The following DCAF4 variants were observed in gnomAD, a reference collection of about 807,000 sequenced individuals.
The protein encoded by DCAF4 is DDB1 and CUL4 associated factor 4, also known as DDB1- and CUL4-associated factor 4.
Under a neutral mutation model 60.9 loss-of-function variants are expected in DCAF4, and 37 were observed. The ratio of observed to expected loss-of-function variants is 0.61; its 90% CI spans 0.47 to 0.80. The LOEUF (loss-of-function observed/expected upper bound fraction) is 0.80, where lower values mean the gene tolerates loss of function less well. Among genes scored for constraint, DCAF4 ranks in the 30% least tolerant of loss-of-function variants. DCAF4 has a pLI of 0.00. For missense variants in DCAF4, 577 were observed against 650.0 expected (o/e 0.89, Z 1.22); for synonymous variants, 243 against 254.8 (o/e 0.95, Z 0.44).
downstream of DCAF4, among the ~76,000 whole-genome samples, chr14:72,961,570 A>G (rs1892821794): frequency 6.6e-6 from 1 of 152,204 alleles, no homozygotes; most frequent in Non-Finnish European, 1.5e-5. Context: ...CCAAGCCCAG[A>G]ATTTCTGGCC....
chr14:72,948,892 C>G (rs993170591), intron 8 of DCAF4, among the ~76,000 whole-genome samples: 3 of 152,186 alleles, frequency 2.0e-5, no homozygotes, highest in African/African-American at 7.2e-5. Context: ...TAACCTGTGG[C>G]CTGTCAAAGG....
At chr14:72,940,024 C>G (rs1432592775) in intron 3 of DCAF4, 122 bp downstream of exon 3, 2 of 1,202,418 alleles carry the variant, frequency 1.7e-6, no homozygotes, top group African/African-American at 3.1e-5. Flanking sequence ...CTGGGTGCGT[C>G]AGGAATGGTG....
At chr14:72,957,611 A>C (rs767291849) in intron 13 of DCAF4, 5 of 152,224 alleles carry the variant, frequency 3.3e-5, no homozygotes, top group Non-Finnish European at 7.3e-5. Context: ...TTATCACAGA[A>C]GAGCTCTTGT....
intron 13 of DCAF4, 191 bp downstream of exon 13, chr14:72,956,691 A>C: frequency 3.7e-6 from 2 of 534,080 alleles, no homozygotes; most frequent in Non-Finnish European, 6.8e-6. Context: ...GTGTAAATAA[A>C]TGTCCACCAG....
intron 6 of DCAF4, among the ~76,000 whole-genome samples, chr14:72,945,507 GAAC>G (rs1890616758): frequency 1.3e-5 from 2 of 151,074 alleles, no homozygotes; most frequent in Non-Finnish European, 2.9e-5. Flanking sequence ...TATGTAATAG[GAAC>G]TAGCATTTTT....
chr14:72,929,648 C>T, intron 1 of DCAF4: 1 of 1,321,818 alleles, frequency 7.6e-7, no homozygotes, highest in Non-Finnish European at 1.1e-6. Context: ...TCATGGCAGC[C>T]AGTACCTTGC....
chr14:72,937,227 CAGAT>C (rs66539546), intron 1 of DCAF4, among the ~76,000 whole-genome samples: 143,778 of 151,742 alleles, frequency 0.95, 68,224 homozygotes, highest in East Asian at 1. Context: ...TATGGGGGAA[CAGAT>C]AGATGTCTGC....
intron 11 of DCAF4, 90 bp from the exon 12 acceptor site, chr14:72,955,433 G>T (rs1223859740): frequency 2.0e-6 from 3 of 1,473,494 alleles, no homozygotes; most frequent in Non-Finnish European, 2.8e-6. Flanking sequence ...CCCAGAGGCT[G>T]GAAGAGGGGT....
downstream of DCAF4, chr14:72,961,970 G>T: frequency 8.9e-7 from 1 of 1,129,098 alleles, no homozygotes; most frequent in Non-Finnish European, 1.1e-6. Flanking sequence ...TCTGTCTTTG[G>T]AGAGGTCACC....
At chr14:72,929,767 G>A in intron 1 of DCAF4, 2 of 1,050,352 alleles carry the variant, frequency 1.9e-6, no homozygotes, top group Non-Finnish European at 1.5e-6. Flanking sequence ...ATGGCGCGCA[G>A]CTCGTACGAA....
At position 72,953,722 on chromosome 14, in the gene DCAF4, AAAAAAAAAAAATAT is replaced by A. The variant is rs1485438977; in HGVS notation, c.809-440_809-427del. The stretch of plus-strand genomic sequence containing the variant: ...AAGACCCTGTCTTAAAAAAAAAAAA[AAAAAAAAAAAATAT>A]ATATATATATATATATATATATATA... On this transcript the variant is annotated intron_variant, in intron 9 of 13. Transcript: ENST00000358377. 1.6e-4 allele frequency among the ~76,000 whole-genome samples: 8 copies of A among 50,178 alleles called. 1 individual carries two copies. The highest frequency in any genetic ancestry group is 6.1e-4 in the African/African-American group (6 of 9,848). The allele number at this position is 50,178 out of a possible 152,430, so 32.9% of individuals were successfully genotyped here. A position where few individuals can be genotyped will look rare whatever the true frequency, so the allele number is the denominator to read the frequency against.
Position 72,937,410 on chromosome 14 carries a change from C to CTTTTTT in DCAF4, c.-8-546_-8-541dup, listed in dbSNP as rs11288108. On this transcript the variant is annotated intron_variant, in intron 1 of 13. Transcript: ENST00000358377. ...TTTCATGCCTGGCAATTTTTCTTTTCTTTTTTTTTTTTTTTTTTTTGAGAT... is the reference window on the plus strand; with the variant it reads ...TTTCATGCCTGGCAATTTTTCTTTTCTTTTTTTTTTTTTTTTTTTTTTTTTTGAGAT... 4.4e-3 allele frequency among the ~76,000 whole-genome samples: 461 copies of CTTTTTT among 105,610 alleles called. 2 individuals carry two copies. Among genetic ancestry groups the CTTTTTT allele is most frequent in the East Asian group, 6.7e-3 (24 of 3,556 alleles). The allele number at this position is 105,610 out of a possible 152,430, so 69.3% of individuals were successfully genotyped here. A position where few individuals can be genotyped will look rare whatever the true frequency, so the allele number is the denominator to read the frequency against.
intron 13 of DCAF4, chr14:72,957,603 A>T (rs1022601992): frequency 1.3e-5 from 2 of 152,234 alleles, no homozygotes; most frequent in African/African-American, 2.4e-5. Context: ...ACCTGTTTTT[A>T]TCACAGAAGA....
chr14:72,936,438 C>T (rs1323729001), intron 1 of DCAF4, among the ~76,000 whole-genome samples: 2 of 151,982 alleles, frequency 1.3e-5, no homozygotes, highest in African/African-American at 4.8e-5. Flanking sequence ...GTGGCAGGTG[C>T]CTGTAGTCCC....
At chr14:72,962,085 ATT>A (rs1892840158), downstream of DCAF4, 1 of 951,416 alleles carries the variant, frequency 1.1e-6, no homozygotes, top group Middle Eastern at 4.2e-4. Context: ...CATTAAAAAA[ATT>A]TGTGTCTCCA....
chr14:72,929,674 T>A, intron 1 of DCAF4: 1 of 1,352,322 alleles, frequency 7.4e-7, no homozygotes, highest in Non-Finnish European at 1.0e-6. Flanking sequence ...TCCTCCCGCT[T>A]CCTCTTGGCA....
At position 72,941,843 on chromosome 14, in the gene DCAF4, G is replaced by T. The variant is rs777879281; in HGVS notation, c.431+19G>T. 7 of 1,611,160 alleles carry T rather than the reference G, an allele frequency of 4.3e-6. No individual in the cohort carries two copies. The highest frequency in any genetic ancestry group is 1.3e-5 in the African/African-American group (1 of 74,786). On this transcript the variant is annotated intron_variant, in intron 5 of 13. Coordinates refer to ENST00000358377, the MANE Select transcript of DCAF4 (RefSeq NM_015604.4). Reference sequence around the variant, plus strand: ...ACTGCCAGTAAGACAATGCCTCTTTGTTATGTTTTCTTCATGAATGTTCTT... The same window carrying T: ...ACTGCCAGTAAGACAATGCCTCTTTTTTATGTTTTCTTCATGAATGTTCTT...
chr14:72,955,456 ACCTGC>A (rs1274468287), intron 11 of DCAF4, 62 bp from the exon 12 acceptor site: 2 of 1,561,530 alleles, frequency 1.3e-6, no homozygotes, highest in Admixed American at 3.5e-5. Flanking sequence ...TATCAGGAGG[ACCTGC>A]CCTGCCCAGC....
chr14:72,929,605 A>C (rs1375967353), intron 1 of DCAF4: 1 of 1,033,696 alleles, frequency 9.7e-7, no homozygotes, highest in Non-Finnish European at 1.5e-6. Context: ...AGGGCAGGGG[A>C]GGGGGCTCAG....
Sources: allele counts gnomAD v4.1 joint callset (sites outside exome capture counted in the v4.1 genomes callset), GRCh38; gene constraint gnomAD v4.1.1; transcripts MANE v1.5; gene names NCBI Gene and HGNC (gene_info 2026-07-23, HGNC 2026-07-21).